CTNNA3: variants seen among roughly 807,000 people sequenced by gnomAD.
The protein encoded by CTNNA3 is catenin alpha 3.
Under a neutral mutation model 95.7 loss-of-function variants are expected in CTNNA3, and 76 were observed. That is an observed-to-expected ratio of 0.79 (90% CI 0.66 to 0.96). CTNNA3 has a LOEUF of 0.96. Among genes scored for constraint, CTNNA3 ranks in the 40% least tolerant of loss-of-function variants. The pLI is 0.00. For synonymous variants in CTNNA3, 431 were observed against 374.4 expected, an observed-to-expected ratio of 1.15 and a Z score of -1.74; for missense variants, 1,191 against 1,089.8, an observed-to-expected ratio of 1.09 and a Z score of -1.31.
In CTNNA3 at chr10:66,622,868, T is replaced by G. The variant is rs189377650; in HGVS notation, c.1282-1084A>C. On this transcript the variant is annotated intron_variant, in intron 9 of 17. Coordinates refer to ENST00000433211, the MANE Select transcript of CTNNA3 (RefSeq NM_013266.4). ...TGTTATTTAAATGGATTTACAGTCTTTGCTTTTTTATAACATTTCTTTTAA... is the reference window on the plus strand; with the variant it reads ...TGTTATTTAAATGGATTTACAGTCTGTGCTTTTTTATAACATTTCTTTTAA... Among the ~76,000 whole-genome samples, 408 of 152,286 alleles carry G rather than the reference T, an allele frequency of 2.7e-3. 1 individual carries two copies. Among genetic ancestry groups the G allele is most frequent in the African/African-American group, 9.1e-3 (378 of 41,568 alleles).
intron 11 of CTNNA3, among the ~76,000 whole-genome samples, chr10:66,443,642 A>G (rs1462555281): frequency 6.6e-6 from 1 of 152,162 alleles, no homozygotes; most frequent in Non-Finnish European, 1.5e-5. Flanking sequence ...ACTAACAAAC[A>G]GAAAGGACAT....
intron 1 of CTNNA3, among the ~76,000 whole-genome samples, chr10:67,743,354 A>G (rs1305177929): frequency 2.6e-5 from 4 of 151,318 alleles, no homozygotes; most frequent in African/African-American, 7.3e-5. Flanking sequence ...AACATACGCA[A>G]ATCAATAAAT....
chr10:66,464,533 T>C (rs565566596), intron 11 of CTNNA3, among the ~76,000 whole-genome samples: 167 of 152,140 alleles, frequency 1.1e-3, no homozygotes, highest in African/African-American at 3.9e-3. Flanking sequence ...GAGGTAGAGA[T>C]GGGTGGATCA....
At chr10:66,381,556 T>TTGAA (rs61665378) in intron 11 of CTNNA3, among the ~76,000 whole-genome samples, 14,755 of 151,930 alleles carry the variant, frequency 0.097, 874 homozygotes, top group East Asian at 0.2. Context: ...AGAATGCTTG[T>TTGAA]TGAATGAATG....
chr10:66,782,072 G>C (rs948402929), intron 7 of CTNNA3, among the ~76,000 whole-genome samples: 4 of 152,078 alleles, frequency 2.6e-5, no homozygotes, highest in African/African-American at 7.2e-5. Flanking sequence ...TAAGTTTGTG[G>C]AGCCAGTTGA....
At position 65,919,174 on chromosome 10, in the gene CTNNA3, A is replaced by T. The variant is rs1159091249; in HGVS notation, c.*1156T>A. The T allele has an allele frequency of 6.6e-6, 1 of 152,118 alleles. No individual in the cohort carries two copies. Among genetic ancestry groups the T allele is most frequent in the Non-Finnish European group, 1.5e-5 (1 of 67,998 alleles). 9.4% of individuals were successfully genotyped at this position (152,118 alleles called of 1,614,324 possible). A position where few individuals can be genotyped will look rare whatever the true frequency, so the allele number is the denominator to read the frequency against. ...CATCAGGGGAGAGAAAAAGAGAGAG[A>T]GAATGACAGAGAGAGGTACACTAGA... On this transcript the variant is annotated 3_prime_UTR_variant, in exon 18 of 18. Coordinates refer to ENST00000433211, the MANE Select transcript of CTNNA3 (RefSeq NM_013266.4).
chr10:67,368,734 C>T (rs1215404014), intron 5 of CTNNA3, among the ~76,000 whole-genome samples: 1 of 151,968 alleles, frequency 6.6e-6, no homozygotes, highest in African/African-American at 2.4e-5. Context: ...AATAATTATG[C>T]TGAGTGAAAA....
intron 7 of CTNNA3, among the ~76,000 whole-genome samples, chr10:67,112,841 T>A (rs921780528): frequency 3.3e-5 from 5 of 151,834 alleles, no homozygotes; most frequent in African/African-American, 1.2e-4. Flanking sequence ...AAAACTCTTT[T>A]TGAGAAATAC....
chr10:67,556,110 G>A (rs1297242544), intron 3 of CTNNA3, among the ~76,000 whole-genome samples: 1 of 152,196 alleles, frequency 6.6e-6, no homozygotes, highest in Non-Finnish European at 1.5e-5. Context: ...AAGCCCACTT[G>A]ATCATGGTGG....
At chr10:65,994,806 T>C (rs1223722646) in intron 15 of CTNNA3, among the ~76,000 whole-genome samples, 2 of 152,164 alleles carry the variant, frequency 1.3e-5, no homozygotes, top group East Asian at 3.9e-4. Flanking sequence ...TTGGTTACTT[T>C]ATGGAGCCCC....
In CTNNA3 at chr10:66,421,897, G is replaced by GATAT. The variant is rs35513829; in HGVS notation, c.1532-42549_1532-42546dup. Among the ~76,000 whole-genome samples the GATAT allele has an allele frequency of 1.6e-3, 168 of 108,160 alleles. 11 individuals carry two copies. The highest frequency in any genetic ancestry group is 4.8e-3 in the African/African-American group (138 of 28,702). 71.0% of individuals were successfully genotyped at this position (108,160 alleles called of 152,430 possible). A position where few individuals can be genotyped will look rare whatever the true frequency, so the allele number is the denominator to read the frequency against. ...TTTCTAAGAGCTTCATAATAAATGT[G>GATAT]ATATATATATATATATATACACACA... is the stretch of plus-strand genomic sequence containing the variant. On this transcript the variant is annotated intron_variant, in intron 11 of 17. Transcript: ENST00000433211.
At chr10:67,578,992 T>G in intron 3 of CTNNA3, among the ~76,000 whole-genome samples, 1 of 88,718 alleles carries the variant, frequency 1.1e-5, no homozygotes, top group African/African-American at 6.3e-5. Flanking sequence ...CACCTGATCA[T>G]AGTGATATAT....
At chr10:66,446,930 C>T (rs142166636) in intron 11 of CTNNA3, among the ~76,000 whole-genome samples, 55,749 of 150,206 alleles carry the variant, frequency 0.37, 10,743 homozygotes, top group African/African-American at 0.47. Context: ...AAAACCCCAT[C>T]GTCTCAGCCC....
intron 9 of CTNNA3, among the ~76,000 whole-genome samples, chr10:66,676,901 G>A (rs879271390): frequency 5.9e-5 from 9 of 152,074 alleles, no homozygotes; most frequent in Admixed American, 3.3e-4. Flanking sequence ...CAAGTGGGCA[G>A]AGCAGGTGAA....
chr10:67,701,019 T>G (rs1480350385), upstream of CTNNA3, among the ~76,000 whole-genome samples: 3 of 151,818 alleles, frequency 2.0e-5, no homozygotes, highest in Admixed American at 6.6e-5. Flanking sequence ...TGGAAGAAAG[T>G]GTATCAGTGA....
intron 12 of CTNNA3, among the ~76,000 whole-genome samples, chr10:66,329,174 C>A (rs1466025114): frequency 2.0e-5 from 3 of 151,480 alleles, no homozygotes; most frequent in Non-Finnish European, 4.4e-5. Flanking sequence ...TGGTATCGAA[C>A]CCCTGACCTC....
intron 1 of CTNNA3, among the ~76,000 whole-genome samples, chr10:67,726,925 A>G (rs1299914441): frequency 8.7e-6 from 1 of 114,400 alleles, no homozygotes; most frequent in Non-Finnish European, 1.6e-5. Context: ...TATGATATAA[A>G]TTATATCATA....
chr10:67,555,346 G>C (rs528209118), intron 3 of CTNNA3, among the ~76,000 whole-genome samples: 2 of 152,290 alleles, frequency 1.3e-5, no homozygotes, highest in East Asian at 1.9e-4. Flanking sequence ...ACCTTGGGCA[G>C]TATGGCCATT....
At chr10:65,949,101 A>G (rs1391698117) in intron 17 of CTNNA3, among the ~76,000 whole-genome samples, 1 of 152,066 alleles carries the variant, frequency 6.6e-6, no homozygotes, top group African/African-American at 2.4e-5. Flanking sequence ...ATTTATTATT[A>G]TTTTTTGCTT....
Sources: gnomAD v4.1 joint callset for allele counts (sites outside exome capture counted in the v4.1 genomes callset) on GRCh38, gnomAD v4.1.1 for gene constraint, MANE v1.5 for transcripts, NCBI Gene and HGNC (gene_info 2026-07-23, HGNC 2026-07-21) for gene names.